MICAL3: variants seen among roughly 807,000 people sequenced by gnomAD.
MICAL3 encodes the protein [F-actin]-monooxygenase MICAL3.
Under a neutral mutation model 207.4 loss-of-function variants are expected in MICAL3, and 62 were observed. The observed-to-expected ratio is 0.30, with a 90% CI of 0.24 to 0.37. The LOEUF (loss-of-function observed/expected upper bound fraction) is 0.37, where lower values mean the gene tolerates loss of function less well. Among genes scored for constraint, MICAL3 ranks in the 10% least tolerant of loss-of-function variants. The probability of loss-of-function intolerance (pLI) is 1.00; values close to 1 mark genes in which losing one functional copy is unlikely to be tolerated. For synonymous variants in MICAL3, 1,077 were observed against 1,069.3 expected (o/e 1.01, Z -0.14); for missense variants, 2,368 against 2,635.6 (o/e 0.90, Z 2.22).
chr22:17,968,817 C>T (rs953446556), intron 1 of MICAL3, among the ~76,000 whole-genome samples: 4 of 152,048 alleles, frequency 2.6e-5, no homozygotes, highest in Non-Finnish European at 5.9e-5. Context: ...TAGCATGGGG[C>T]GACAAACTTC....
intron 1 of MICAL3, among the ~76,000 whole-genome samples, chr22:18,020,958 A>G (rs1924434804): frequency 7.1e-6 from 1 of 141,268 alleles, no homozygotes. Context: ...ATAAATAAAT[A>G]AATAAATAAA....
rs34483330 is a variant in MICAL3, at chr22:17,977,536, T to TAA, written c.-75+46743_-75+46744dup. ...TTCATACCCACTAGGAAGACTATAA[T>TAA]AAAAAAAAAAAAAGACAGACAATAA... On this transcript the variant is annotated intron_variant, in intron 1 of 31. Coordinates refer to ENST00000441493, the MANE Select transcript of MICAL3 (RefSeq NM_015241.3). Among the ~76,000 whole-genome samples the TAA allele has an allele frequency of 1.0e-3, 141 of 137,824 alleles. 1 individual carries two copies. Among genetic ancestry groups the TAA allele is most frequent in the Middle Eastern group, 3.8e-3 (1 of 264 alleles). The allele number at this position is 137,824 out of a possible 152,430, so 90.4% of individuals were successfully genotyped here.
chr22:17,950,337 G>GTTTTTTTTTTTTTTT (rs764642603), intron 1 of MICAL3, among the ~76,000 whole-genome samples: 2 of 89,334 alleles, frequency 2.2e-5, no homozygotes, highest in Non-Finnish European at 4.6e-5. Flanking sequence ...TTTTGTTTTT[G>GTTTTTTTTTTTTTTT]TTTTTTTTTT....
At chr22:18,009,027 A>T (rs1273931776) in intron 1 of MICAL3, among the ~76,000 whole-genome samples, 2 of 152,214 alleles carry the variant, frequency 1.3e-5, no homozygotes, top group Admixed American at 1.3e-4. Context: ...TTTTCCCCTA[A>T]CTGATTGGCA....
intron 1 of MICAL3, among the ~76,000 whole-genome samples, chr22:17,932,235 C>T (rs965893137): frequency 3.9e-5 from 6 of 152,122 alleles, no homozygotes; most frequent in Non-Finnish European, 7.3e-5. Flanking sequence ...AGAGAAAGGT[C>T]GAGTTACCCA....
chr22:18,000,828 T>G, intron 1 of MICAL3, among the ~76,000 whole-genome samples: 1 of 152,108 alleles, frequency 6.6e-6, no homozygotes, highest in Middle Eastern at 3.2e-3. Flanking sequence ...AGCCCACGCT[T>G]GGCGCACGCT....
chr22:17,991,919 C>T (rs1037177443), intron 1 of MICAL3, among the ~76,000 whole-genome samples: 5 of 152,088 alleles, frequency 3.3e-5, no homozygotes, highest in South Asian at 2.1e-4. Flanking sequence ...GCTTCGAGGC[C>T]GTGGTAGACA....
intron 19 of MICAL3, among the ~76,000 whole-genome samples, chr22:17,844,303 C>A (rs1924406628): frequency 6.6e-6 from 1 of 152,286 alleles, no homozygotes; most frequent in East Asian, 1.9e-4. Context: ...ATCATACAAG[C>A]CAGTGTTGAG....
At chr22:17,916,067 A>AC (rs1422911512) in intron 1 of MICAL3, among the ~76,000 whole-genome samples, 3 of 150,090 alleles carry the variant, frequency 2.0e-5, no homozygotes, top group Non-Finnish European at 4.4e-5. Context: ...AAAAAAAAAA[A>AC]AAAAAAAAAA....
intron 21 of MICAL3, among the ~76,000 whole-genome samples, chr22:17,830,476 C>T (rs117079074): frequency 6.6e-5 from 10 of 152,326 alleles, no homozygotes; most frequent in East Asian, 3.9e-4. Flanking sequence ...TGCTTCGACC[C>T]GAAGCTGTGC....
chr22:17,968,599 C>T (rs1194921097), intron 1 of MICAL3, among the ~76,000 whole-genome samples: 2 of 152,062 alleles, frequency 1.3e-5, no homozygotes, highest in Non-Finnish European at 2.9e-5. Context: ...ACCTGAAATG[C>T]CTGGGAGAGT....
intron 1 of MICAL3, among the ~76,000 whole-genome samples, chr22:18,015,020 A>T (rs2146509144): frequency 6.6e-6 from 1 of 152,166 alleles, no homozygotes; most frequent in East Asian, 1.9e-4. Context: ...GCTTGTACTA[A>T]GATTTCTGAT....
intron 1 of MICAL3, among the ~76,000 whole-genome samples, chr22:17,937,754 C>T (rs533181814): frequency 3.3e-5 from 5 of 152,344 alleles, no homozygotes; most frequent in African/African-American, 1.2e-4. Context: ...TCTATCATGA[C>T]ACCTGGAAAG....
At chr22:17,944,963 T>C (rs1933986977) in intron 1 of MICAL3, among the ~76,000 whole-genome samples, 1 of 150,164 alleles carries the variant, frequency 6.7e-6, no homozygotes, top group Admixed American at 6.7e-5. Context: ...AAATATACTA[T>C]CAAATGCCAC....
intron 1 of MICAL3, among the ~76,000 whole-genome samples, chr22:17,961,998 C>T (rs1471256731): frequency 6.6e-6 from 1 of 152,186 alleles, no homozygotes; most frequent in African/African-American, 2.4e-5. Flanking sequence ...CAAACTAAGA[C>T]AGACTATAGG....
chr22:17,879,282 C>T, intron 16 of MICAL3: 1 of 1,431,168 alleles, frequency 7.0e-7, no homozygotes, highest in Non-Finnish European at 9.5e-7. Context: ...GCTGCCCCAC[C>T]ACCACAGCGT....
chr22:17,819,960 A>G (rs1320661688), intron 25 of MICAL3, among the ~76,000 whole-genome samples: 3 of 118,150 alleles, frequency 2.5e-5, no homozygotes, highest in Non-Finnish European at 5.8e-5. Flanking sequence ...AAAAAAAAAA[A>G]AAAAAAAAAA....
intron 1 of MICAL3, among the ~76,000 whole-genome samples, chr22:17,936,779 CAATAAATTAACAAA>C (rs1933551548): frequency 6.6e-6 from 1 of 151,848 alleles, no homozygotes; most frequent in Admixed American, 6.6e-5. Flanking sequence ...ACCATTAAAC[CAATAAATTAACAAA>C]AACAAACAAA....
chr22:17,864,598 C>T (rs566650956), intron 19 of MICAL3: 10 of 1,506,878 alleles, frequency 6.6e-6, no homozygotes, highest in South Asian at 5.1e-5. Context: ...TGTGATGGTG[C>T]GGGACGGGGC....
Sources: gnomAD v4.1 joint callset for allele counts (sites outside exome capture counted in the v4.1 genomes callset) on GRCh38, gnomAD v4.1.1 for gene constraint, MANE v1.5 for transcripts, NCBI Gene and HGNC (gene_info 2026-07-23, HGNC 2026-07-21) for gene names.